The following PSME1 variants were observed in gnomAD, a reference collection of about 807,000 sequenced individuals.
PSME1 encodes proteasome activator complex subunit 1.
Under a neutral mutation model 38.4 loss-of-function variants are expected in PSME1, and 15 were observed. That is an observed-to-expected ratio of 0.39 (90% CI 0.26 to 0.60). The LOEUF is 0.60. Ranked by LOEUF, PSME1 falls within the 20% of genes least tolerant of loss-of-function variation. The pLI is 0.53. For missense variants in PSME1, 249 were observed against 305.6 expected, an observed-to-expected ratio of 0.81 and a Z score of 1.38; for synonymous variants, 106 against 106.8, an observed-to-expected ratio of 0.99 and a Z score of 0.05.
Position 24,138,235 on chromosome 14 carries a change from C to T in PSME1, c.499C>T (p.Leu167=). Residue 167 remains leucine, a synonymous_variant, in exon 8 of 11, where the codon CTA becomes TTA. Coordinates refer to ENST00000206451, the MANE Select transcript of PSME1 (RefSeq NM_006263.4). ...GCTGATGACCAGCCTCCACACCAAG[C>T]TAGAAGGCTTCCACACTCAAATCTC... ...FELMTSLHTK[L]EGFHTQISKY... 6.2e-7 allele frequency: 1 copy of T among 1,614,216 alleles called. No homozygotes were observed. Among genetic ancestry groups the T allele is most frequent in the Non-Finnish European group, 8.5e-7 (1 of 1,180,050 alleles).
intron 2 of PSME1, 26 bp downstream of exon 2, chr14:24,137,043 C>G: frequency 6.2e-7 from 1 of 1,614,136 alleles, no homozygotes; most frequent in Admixed American, 1.7e-5. Context: ...TCAGCGTGGC[C>G]CCACCCCTGC....
Position 24,137,005 on chromosome 14 carries a change from C to T in PSME1, c.60C>T (p.Asp20=). ...AQAKVDVFRE[D]LCTKTENLLG... is the part of the protein sequence containing the mutation. ...CACAGGTGGATGTGTTTCGTGAAGA[C>T]CTCTGTACCAAGGTAAGACATGCCC... The change falls in exon 2 of 11, where the codon GAC becomes GAT. Residue 20 remains aspartate, a synonymous_variant. Coordinates refer to ENST00000206451, the MANE Select transcript of PSME1 (RefSeq NM_006263.4). 1 of 1,614,158 alleles carries T rather than the reference C, an allele frequency of 6.2e-7. No homozygotes were observed. Among genetic ancestry groups the T allele is most frequent in the African/African-American group, 1.3e-5 (1 of 75,010 alleles).
Position 24,138,367 on chromosome 14 carries a change from G to A in PSME1, c.550G>A (p.Ala184Thr), listed in dbSNP as rs746858851. The change falls in exon 9 of 11, where the codon GCA becomes ACA. Residue 184 changes from alanine to threonine, a missense_variant. Transcript: ENST00000206451. Reference protein sequence around the residue: ...ISKYFSERGDAVTKAAKQPHV... With the variant: ...ISKYFSERGDTVTKAAKQPHV... ...CAGGTATTTCTCTGAGCGTGGTGAT[G>A]CAGTGACTAAAGCAGCCAAGCAGCC... 4.3e-6 allele frequency: 7 copies of A among 1,614,172 alleles called. No individual in the cohort carries two copies. In the South Asian group the frequency reaches 5.5e-5, roughly 13 times the overall value.
At position 24,138,729 on chromosome 14, in the gene PSME1, C is replaced by T; in HGVS notation, c.670-7C>T. 2 of 1,614,078 alleles carry T rather than the reference C, an allele frequency of 1.2e-6. No individual in the cohort carries two copies. Among genetic ancestry groups the T allele is most frequent in the Non-Finnish European group, 1.7e-6 (2 of 1,180,012 alleles). Reference sequence around the variant, plus strand: ...CTCTGACTGACCTCTACTCCCTGGCCCTGTAGGCTGTGTTATATGACATCA... The same window carrying T: ...CTCTGACTGACCTCTACTCCCTGGCTCTGTAGGCTGTGTTATATGACATCA... On this transcript the variant is annotated splice_region_variant and splice_polypyrimidine_tract_variant and intron_variant, in intron 10 of 10. Coordinates refer to ENST00000206451, the MANE Select transcript of PSME1 (RefSeq NM_006263.4).
chr14:24,137,743 C>G lies in PSME1; in HGVS notation c.336C>G (p.Val112=). 1 of 1,614,196 alleles carries G rather than the reference C, an allele frequency of 6.2e-7. No homozygotes were observed. The highest frequency in any genetic ancestry group is 8.5e-7 in the Non-Finnish European group (1 of 1,180,050). Reference sequence around the variant, plus strand: ...TGAACTGCAATGAAAAGATCGTGGTCCTTCTGCAGCGCTTGAAGCCTGAGA... The same window carrying G: ...TGAACTGCAATGAAAAGATCGTGGTGCTTCTGCAGCGCTTGAAGCCTGAGA... ...GPVNCNEKIV[V]LLQRLKPEIK... The change falls in exon 6 of 11, where the codon GTC becomes GTG. Residue 112 remains valine (V), a synonymous_variant. Transcript: ENST00000206451.
At chr14:24,137,642 T>A (rs565184245) in intron 5 of PSME1, 58 bp from the exon 6 acceptor site, 1 of 1,610,722 alleles carries the variant, frequency 6.2e-7, no homozygotes, top group African/African-American at 1.3e-5. Flanking sequence ...CTTTCCAGTC[T>A]CCCCTTCGCC....
intron 5 of PSME1, 41 bp from the exon 6 acceptor site, chr14:24,137,659 A>T (rs754629069): frequency 6.2e-7 from 1 of 1,611,320 alleles, no homozygotes; most frequent in Non-Finnish European, 8.5e-7. Flanking sequence ...CGCCCCTCAC[A>T]CAGGCTCAAT....
Position 24,138,639 on chromosome 14 carries a change from G to T in PSME1, c.669+79G>T, listed in dbSNP as rs753566964. On this transcript the variant is annotated intron_variant, in intron 10 of 10. Transcript: ENST00000206451. ...CCACTCCCTGACCCTGCAGGCTAGG[G>T]GTTAAGGGTGACAAAGCTCAGCTTC... 4.3e-6 allele frequency: 7 copies of T among 1,613,460 alleles called. No individual in the cohort carries two copies. The Admixed American group carries it at 6.7e-5, about 15-fold the overall frequency.
At position 24,137,189 on chromosome 14, in the gene PSME1, T is replaced by C; in HGVS notation, c.119T>C (p.Leu40Pro). 6.2e-7 allele frequency: 1 copy of C among 1,614,112 alleles called. No individual in the cohort carries two copies. Among genetic ancestry groups the C allele is most frequent in the Non-Finnish European group, 8.5e-7 (1 of 1,180,006 alleles). The change falls in exon 3 of 11, where the codon CTG becomes CCG. Residue 40 changes from leucine (L) to proline (P), a missense_variant. By Grantham distance (98) the Leu-to-Pro change is moderately conservative. Coordinates refer to ENST00000206451, the MANE Select transcript of PSME1 (RefSeq NM_006263.4). ...TATTTCCCCAAGAAGATTTCTGAGC[T>C]GGATGCATTTTTAAAGGTACCGCGG... ...GSYFPKKISE[L>P]DAFLKEPALN...
chr14:24,136,223 A>T lies in PSME1; in HGVS notation c.-40A>T. ...CTTTCGCTTTCCCTTCGCGGTGCCC[A>T]CTCCACTCCTTGTGCGGCGCTAGGC... On this transcript the variant is annotated 5_prime_UTR_variant, in exon 1 of 11. Transcript: ENST00000206451. This position sits in a 1 kb window ranked among gnomAD's most constrained non-coding sequence, Gnocchi z 4.8. 6.6e-7 allele frequency: 1 copy of T among 1,514,064 alleles called. No individual in the cohort carries two copies. The highest frequency in any genetic ancestry group is 8.8e-7 in the Non-Finnish European group (1 of 1,130,836). The allele number at this position is 1,514,064 out of a possible 1,614,324, so 93.8% of individuals were successfully genotyped here.
chr14:24,136,891 T>A lies in PSME1; in HGVS notation c.40-94T>A, dbSNP rs2037911474. 6.7e-7 allele frequency: 1 copy of A among 1,490,582 alleles called. No homozygotes were observed. The highest frequency in any genetic ancestry group is 1.1e-5 in the South Asian group (1 of 88,026). 92.3% of individuals were successfully genotyped at this position (1,490,582 alleles called of 1,614,324 possible). The stretch of plus-strand genomic sequence containing the variant: ...GCCTTAGAGGGATCCCCTCCACCCT[T>A]CCCCAGGTCAGGCCCTACATAACCC... On this transcript the variant is annotated intron_variant, in intron 1 of 10. Transcript: ENST00000206451. This position sits in a 1 kb window ranked among gnomAD's most constrained non-coding sequence, Gnocchi z 4.8.
In PSME1 at chr14:24,138,886, T is replaced by C; in HGVS notation, c.*70T>C. ...TGCTTTTTACTGGGGACTCCAGATT[T>C]TCCCCAAACTTGCTTCTGTTGAGAT... On this transcript the variant is annotated 3_prime_UTR_variant, in exon 11 of 11. Transcript: ENST00000206451. 1.9e-6 allele frequency: 3 copies of C among 1,590,850 alleles called. No individual in the cohort carries two copies. In the South Asian group the frequency reaches 3.3e-5, roughly 18 times the overall value.
In PSME1 at chr14:24,138,757, C is replaced by G. The variant is rs14929; in HGVS notation, c.691C>G (p.Leu231Val). Residue 231 changes from leucine to valine, a missense_variant, in exon 11 of 11, where the codon CTG becomes GTG. By Grantham distance (32) the Leu-to-Val change is conservative (BLOSUM62 1). Transcript: ENST00000206451. Reference sequence around the variant, plus strand: ...GTAGGCTGTGTTATATGACATCATCCTGAAGAACTTCGAGAAGCTCAAGAA... The same window carrying G: ...GTAGGCTGTGTTATATGACATCATCGTGAAGAACTTCGAGAAGCTCAAGAA... ...NAYAVLYDIILKNFEKLKKPR... is the reference protein window; with the variant it reads ...NAYAVLYDIIVKNFEKLKKPR... 1.5e-5 allele frequency: 25 copies of G among 1,614,158 alleles called. No individual in the cohort carries two copies. In the African/African-American group the frequency reaches 2.8e-4, roughly 18 times the overall value.
intron 2 of PSME1, 62 bp downstream of exon 2, chr14:24,137,079 T>A (rs2037916700): frequency 6.2e-7 from 1 of 1,613,916 alleles, no homozygotes; most frequent in East Asian, 2.2e-5. Context: ...CAACCCTGCC[T>A]CACTACCTAG....
chr14:24,137,794 C>A lies in PSME1; in HGVS notation c.387C>A (p.Asn129Lys), dbSNP rs139533252. The A allele has an allele frequency of 6.2e-7, 1 of 1,613,600 alleles. No individual in the cohort carries two copies. Among genetic ancestry groups the A allele is most frequent in the Non-Finnish European group, 8.5e-7 (1 of 1,179,450 alleles). The part of the protein sequence containing the change: ...PEIKDVIEQL[N>K]LVTTWLQLQI... ...TCAAGGATGTCATTGAGCAGCTCAACCTGGTAAGCCCTCCCCCTTAAACTC... is the reference window on the plus strand; with the variant it reads ...TCAAGGATGTCATTGAGCAGCTCAAACTGGTAAGCCCTCCCCCTTAAACTC... Residue 129 changes from asparagine to lysine, a missense_variant, in exon 6 of 11, where the codon AAC becomes AAA. By Grantham distance (94) the Asn-to-Lys change is moderately conservative. Coordinates refer to ENST00000206451, the MANE Select transcript of PSME1 (RefSeq NM_006263.4).
rs764631859 is a variant in PSME1 at position 24,138,260 on chromosome 14, CTAAG to C, written c.526_527+2del. 1.9e-6 allele frequency: 3 copies of C among 1,614,176 alleles called. No individual in the cohort carries two copies. Among genetic ancestry groups the C allele is most frequent in the Non-Finnish European group, 2.5e-6 (3 of 1,179,986 alleles). On this transcript the variant is annotated splice_donor_variant and coding_sequence_variant, in exon 8 of 11. Transcript: ENST00000206451. LOFTEE classifies it high-confidence loss of function. Reference sequence around the variant, plus strand: ...CTAGAAGGCTTCCACACTCAAATCTCTAAGTGAGTGACCACCCATGTGCACACTG... The same window carrying C: ...CTAGAAGGCTTCCACACTCAAATCTCTGAGTGACCACCCATGTGCACACTG...
chr14:24,137,387 C>G lies in PSME1; in HGVS notation c.202C>G (p.Pro68Ala), dbSNP rs1434784380. The G allele has an allele frequency of 6.2e-7, 1 of 1,613,948 alleles. No individual in the cohort carries two copies. The highest frequency in any genetic ancestry group is 1.3e-5 in the African/African-American group (1 of 74,906). ...KAPLDIPVPD[P>A]VKEKEKEERK... ...CCCATTGGACATCCCAGTGCCTGAT[C>G]CAGTCAAGGAGAAAGAGAAAGAGGA... Residue 68 changes from proline to alanine, a missense_variant, in exon 4 of 11, where the codon CCA becomes GCA. By Grantham distance (27) the Pro-to-Ala change is conservative. Transcript: ENST00000206451.
chr14:24,137,966 T>C lies in PSME1; in HGVS notation c.391-83T>C, dbSNP rs1210965666. On this transcript the variant is annotated intron_variant, in intron 6 of 10. Transcript: ENST00000206451. ...ATAGACCCGGCACGCCTCCACCCAG[T>C]GTGGGGAGGGAAGCAAGGGAGAATA... 7.1e-6 allele frequency: 11 copies of C among 1,548,554 alleles called. No homozygotes were observed. In the Middle Eastern group the frequency reaches 5.5e-4, roughly 77 times the overall value.
At position 24,137,376 on chromosome 14, in the gene PSME1, C is replaced by T. The variant is rs751606717; in HGVS notation, c.191C>T (p.Pro64Leu). Residue 64 changes from proline to leucine, a missense_variant, in exon 4 of 11, where the codon CCA becomes CTA. Pro to Leu is a moderately conservative substitution (Grantham distance 98). Coordinates refer to ENST00000206451, the MANE Select transcript of PSME1 (RefSeq NM_006263.4). The part of the protein sequence containing the change: ...LSNLKAPLDI[P>L]VPDPVKEKEK... Reference sequence around the variant, plus strand: ...AATCTGAAGGCCCCATTGGACATCCCAGTGCCTGATCCAGTCAAGGAGAAA... The same window carrying T: ...AATCTGAAGGCCCCATTGGACATCCTAGTGCCTGATCCAGTCAAGGAGAAA... The T allele has an allele frequency of 1.6e-5, 26 of 1,613,954 alleles. No homozygotes were observed. Among genetic ancestry groups the T allele is most frequent in the Non-Finnish European group, 2.1e-5 (25 of 1,180,044 alleles).
Sources: gnomAD v4.1 joint callset for allele counts on GRCh38, gnomAD v4.1.1 for gene constraint, Gnocchi (gnomAD v3.1) non-coding constraint, MANE v1.5 for transcripts, NCBI Gene and HGNC (gene_info 2026-07-23, HGNC 2026-07-21) for gene names.